The following ATP11B variants were observed in gnomAD, a reference collection of about 807,000 sequenced individuals.
ATP11B encodes the protein ATPase phospholipid transporting 11B (putative), also known as phospholipid-transporting ATPase IF.
In ATP11B, 81 loss-of-function variants were observed where a neutral mutation model predicts 157.8. The ratio of observed to expected loss-of-function variants is 0.51; its 90% CI spans 0.43 to 0.62. The LOEUF (loss-of-function observed/expected upper bound fraction) is 0.62, where lower values mean the gene tolerates loss of function less well. Ranked by LOEUF, ATP11B falls within the 20% of genes least tolerant of loss-of-function variation. ATP11B has a pLI of 0.00. For synonymous variants in ATP11B, 451 were observed against 469.4 expected, an observed-to-expected ratio of 0.96 and a Z score of 0.51; for missense variants, 1,165 against 1,402.2, an observed-to-expected ratio of 0.83 and a Z score of 2.70.
intron 28 of ATP11B, among the ~76,000 whole-genome samples, chr3:182,907,292 C>G (rs1384723415): frequency 6.6e-6 from 1 of 152,104 alleles, no homozygotes; most frequent in African/African-American, 2.4e-5. Context: ...ATTGTAATTA[C>G]TAGTCAAGAA....
chr3:182,903,303 T>A (rs1258782477), intron 28 of ATP11B, among the ~76,000 whole-genome samples: 2 of 152,180 alleles, frequency 1.3e-5, no homozygotes, highest in Non-Finnish European at 2.9e-5. Flanking sequence ...CCCTATTGGT[T>A]TCTTACAGAT....
chr3:182,908,316 TCTC>T (rs1724532747), intron 28 of ATP11B: 1 of 150,900 alleles, frequency 6.6e-6, no homozygotes, highest in African/African-American at 2.4e-5. Flanking sequence ...TTCAAGCAGT[TCTC>T]CTGCCTCAGC....
In ATP11B at chr3:182,884,912, AT is replaced by A; in HGVS notation, c.2655+17del. 1 of 1,302,894 alleles carries A rather than the reference AT, an allele frequency of 7.7e-7. No individual in the cohort carries two copies. The highest frequency in any genetic ancestry group is 1.1e-6 in the Non-Finnish European group (1 of 944,114). 80.7% of individuals were successfully genotyped at this position (1,302,894 alleles called of 1,614,324 possible). On this transcript the variant is annotated intron_variant, in intron 22 of 29. Coordinates refer to ENST00000323116, the MANE Select transcript of ATP11B (RefSeq NM_014616.3). ...TTTTTTTATAAGGTGAGTTTCATGT[AT>A]TTAGAATCAATTATTGATATAGTAA...
chr3:182,805,495 C>T (rs1716271735), intron 1 of ATP11B, among the ~76,000 whole-genome samples: 1 of 151,242 alleles, frequency 6.6e-6, no homozygotes, highest in African/African-American at 2.4e-5. Context: ...ACTCTTGTTG[C>T]CCAGGCTGGA....
chr3:182,867,712 T>G (rs13067698), intron 15 of ATP11B, among the ~76,000 whole-genome samples: 79,438 of 151,472 alleles, frequency 0.52, 23,698 homozygotes, highest in Non-Finnish European at 0.68. Flanking sequence ...GCCTCCCAGG[T>G]AGCTGGGATT....
At chr3:182,838,819 T>C (rs914547140) in intron 7 of ATP11B, among the ~76,000 whole-genome samples, 4 of 151,354 alleles carry the variant, frequency 2.6e-5, no homozygotes, top group African/African-American at 9.7e-5. Context: ...ATATATTACA[T>C]GTGAAATATT....
intron 12 of ATP11B, among the ~76,000 whole-genome samples, chr3:182,861,062 A>G (rs1439405560): frequency 7.9e-6 from 1 of 126,140 alleles, no homozygotes; most frequent in Admixed American, 8.8e-5. Flanking sequence ...AAAAACAATA[A>G]TACTTTTTTT....
chr3:182,874,448 A>G (rs1201131128), intron 19 of ATP11B, among the ~76,000 whole-genome samples: 1 of 152,144 alleles, frequency 6.6e-6, no homozygotes, highest in Non-Finnish European at 1.5e-5. Flanking sequence ...ACTGTTTTTT[A>G]TTAGTATATG....
chr3:182,850,188 C>G (rs1224908181), intron 10 of ATP11B, among the ~76,000 whole-genome samples: 1 of 152,036 alleles, frequency 6.6e-6, no homozygotes, highest in Non-Finnish European at 1.5e-5. Flanking sequence ...ATAATCAACT[C>G]AACGCTGAGC....
intron 28 of ATP11B, among the ~76,000 whole-genome samples, chr3:182,905,466 C>T (rs1411330840): frequency 6.6e-6 from 1 of 152,020 alleles, no homozygotes; most frequent in African/African-American, 2.4e-5. Flanking sequence ...TTGGACATAC[C>T]TTTTCAATAA....
At chr3:182,858,319 C>G (rs887159063) in intron 11 of ATP11B, among the ~76,000 whole-genome samples, 12 of 152,152 alleles carry the variant, frequency 7.9e-5, no homozygotes, top group Admixed American at 2.0e-4. Context: ...ATACTACAAA[C>G]TCAATTTTCT....
At chr3:182,820,035 G>GA (rs924312950) in intron 1 of ATP11B, among the ~76,000 whole-genome samples, 12 of 148,344 alleles carry the variant, frequency 8.1e-5, no homozygotes, top group African/African-American at 2.7e-4. Context: ...ACCTGTGAAA[G>GA]AAAAAAAAAT....
intron 23 of ATP11B, 117 bp downstream of exon 23, chr3:182,886,127 C>G: frequency 1.8e-6 from 1 of 543,242 alleles, no homozygotes; most frequent in Non-Finnish European, 3.1e-6. Context: ...CTGCAGGGAA[C>G]CAGACAGAAC....
intron 21 of ATP11B, among the ~76,000 whole-genome samples, chr3:182,881,818 TTG>T (rs1235456967): frequency 6.6e-6 from 1 of 152,198 alleles, no homozygotes; most frequent in African/African-American, 2.4e-5. Flanking sequence ...CTCAGTGTAT[TTG>T]TGCATCTAAA....
chr3:182,797,176 T>A (rs1015656389), intron 1 of ATP11B, among the ~76,000 whole-genome samples: 26 of 152,216 alleles, frequency 1.7e-4, no homozygotes, highest in Admixed American at 2.0e-4. Context: ...CTGTCCATAC[T>A]CCATCAGTTA....
intron 24 of ATP11B, among the ~76,000 whole-genome samples, chr3:182,888,354 A>G (rs569411652): frequency 7.9e-5 from 12 of 152,290 alleles, no homozygotes; most frequent in African/African-American, 2.6e-4. Flanking sequence ...TCTTCCCATA[A>G]TAGCTATTAT....
At chr3:182,889,583 A>AAT (rs778939838) in intron 25 of ATP11B, 35 bp downstream of exon 25, 2 of 1,484,280 alleles carry the variant, frequency 1.3e-6, no homozygotes, top group Middle Eastern at 2.0e-4. Flanking sequence ...AATGCTTGTT[A>AAT]ATATTTTATG....
rs758505468 is a variant in ATP11B, at chr3:182,867,458, A to G, written c.1688+14A>G. ...AAAACTGGAACGGTAATTTTTTTTC[A>G]TATATTGGAATGTTTTCTGTGTTAA... is the stretch of plus-strand genomic sequence containing the variant. On this transcript the variant is annotated intron_variant, in intron 15 of 29. Coordinates refer to ENST00000323116, the MANE Select transcript of ATP11B (RefSeq NM_014616.3). 2 of 1,538,100 alleles carry G rather than the reference A, an allele frequency of 1.3e-6. No individual in the cohort carries two copies. Among genetic ancestry groups the G allele is most frequent in the Non-Finnish European group, 1.8e-6 (2 of 1,111,922 alleles).
chr3:182,804,340 G>A (rs1716189451), intron 1 of ATP11B, among the ~76,000 whole-genome samples: 1 of 151,660 alleles, frequency 6.6e-6, no homozygotes, highest in African/African-American at 2.4e-5. Context: ...CTGCCTCCAG[G>A]GTTCAGGCCA....
Sources: allele counts gnomAD v4.1 joint callset (sites outside exome capture counted in the v4.1 genomes callset), GRCh38; gene constraint gnomAD v4.1.1; transcripts MANE v1.5; gene names NCBI Gene and HGNC (gene_info 2026-07-23, HGNC 2026-07-21).